GPM6A: variants seen among roughly 807,000 people sequenced by gnomAD.
GPM6A encodes the protein glycoprotein M6A, also known as neuronal membrane glycoprotein M6-a.
Under a neutral mutation model 32.1 loss-of-function variants are expected in GPM6A, and 7 were observed. The observed-to-expected ratio is 0.22, with a 90% confidence interval of 0.12 to 0.41. GPM6A has a LOEUF of 0.41. GPM6A is among the 10% of genes least tolerant of loss of function. The pLI, the probability that GPM6A is intolerant of heterozygous loss-of-function variation, is 1.00. For missense variants in GPM6A, 235 were observed against 347.2 expected (o/e 0.68, Z 2.57); for synonymous variants, 130 against 123.4 (o/e 1.05, Z -0.35).
At chr4:175,878,628 A>C (rs1477174290) in intron 1 of GPM6A, among the ~76,000 whole-genome samples, 2 of 151,958 alleles carry the variant, frequency 1.3e-5, no homozygotes, top group Admixed American at 6.6e-5. Flanking sequence ...CCTGGCTCAA[A>C]AGATCATTTT....
chr4:175,924,839 CAAAA>C lies in GPM6A; in HGVS notation c.-23+77466_-23+77469del, dbSNP rs1190915755. 6.9e-3 allele frequency among the ~76,000 whole-genome samples: 426 copies of C among 61,994 alleles called. 4 individuals carry two copies. Among genetic ancestry groups the C allele is most frequent in the African/African-American group, 0.018 (407 of 22,072 alleles). The allele number at this position is 61,994 out of a possible 152,430, so 40.7% of individuals were successfully genotyped here. A position where few individuals can be genotyped will look rare whatever the true frequency, so the allele number is the denominator to read the frequency against. ...TAGGCAACAGAGTGAAAATCTGTCTCAAAAAAAAAAAAAAAAAAAAGAGAGAAGT... is the reference window on the plus strand; with the variant it reads ...TAGGCAACAGAGTGAAAATCTGTCTCAAAAAAAAAAAAAAAAGAGAGAAGT... On this transcript the variant is annotated intron_variant, in intron 1 of 7. Transcript: ENST00000280187.
chr4:175,873,321 G>GAA (rs200174289), intron 1 of GPM6A, among the ~76,000 whole-genome samples: 2 of 147,564 alleles, frequency 1.4e-5, no homozygotes, highest in African/African-American at 5.0e-5. Context: ...AGTGCCTTGT[G>GAA]AAAAAAAAAC....
At chr4:175,708,136 T>C (rs1325442055) in intron 1 of GPM6A, among the ~76,000 whole-genome samples, 3 of 152,140 alleles carry the variant, frequency 2.0e-5, no homozygotes, top group African/African-American at 4.8e-5. Context: ...TCTGCTTTCA[T>C]TGTAGAGGTG....
chr4:175,655,177 G>T (rs1157582261), intron 3 of GPM6A, among the ~76,000 whole-genome samples: 3 of 151,966 alleles, frequency 2.0e-5, no homozygotes, highest in East Asian at 1.9e-4. Context: ...AAATCAGTGC[G>T]GTGAGAAAAT....
At chr4:175,995,554 C>T (rs1447021365) in intron 1 of GPM6A, among the ~76,000 whole-genome samples, 1 of 152,084 alleles carries the variant, frequency 6.6e-6, no homozygotes, top group African/African-American at 2.4e-5. Context: ...TTTCTCGTTG[C>T]ATGCCCCAGA....
intron 1 of GPM6A, among the ~76,000 whole-genome samples, chr4:175,918,593 C>A (rs9685517): frequency 0.97 from 148,323 of 152,250 alleles, 72,381 homozygotes; most frequent in East Asian, 1. Context: ...TTAGCAAGAC[C>A]ATAGAATGCT....
At chr4:175,834,532 C>T (rs1735706787) in intron 1 of GPM6A, among the ~76,000 whole-genome samples, 1 of 152,114 alleles carries the variant, frequency 6.6e-6, no homozygotes, top group Admixed American at 6.6e-5. Context: ...GTGCTGTAAA[C>T]TCACATTGCT....
At chr4:175,763,665 T>C (rs943302548) in intron 1 of GPM6A, among the ~76,000 whole-genome samples, 6 of 152,136 alleles carry the variant, frequency 3.9e-5, no homozygotes, top group South Asian at 2.1e-4. Context: ...GAATAGAACA[T>C]TGTACGTGTC....
At chr4:175,713,390 A>G (rs1745660815) in intron 1 of GPM6A, among the ~76,000 whole-genome samples, 2 of 151,980 alleles carry the variant, frequency 1.3e-5, no homozygotes, top group Non-Finnish European at 2.9e-5. Context: ...ACGGGGTTTC[A>G]TCATATTGGT....
At chr4:175,925,229 G>T (rs572998930) in intron 1 of GPM6A, among the ~76,000 whole-genome samples, 2 of 152,186 alleles carry the variant, frequency 1.3e-5, no homozygotes, top group South Asian at 2.1e-4. Flanking sequence ...CTGGAAATGG[G>T]TGTTTACACA....
intron 1 of GPM6A, among the ~76,000 whole-genome samples, chr4:175,951,404 T>C (rs563924636): frequency 6.6e-6 from 1 of 152,244 alleles, no homozygotes; most frequent in South Asian, 2.1e-4. Context: ...GATTAGGCCA[T>C]GAACAGACAG....
At chr4:175,758,135 C>A (rs1732602778) in intron 1 of GPM6A, among the ~76,000 whole-genome samples, 1 of 152,076 alleles carries the variant, frequency 6.6e-6, no homozygotes, top group South Asian at 2.1e-4. Flanking sequence ...TGAACCTCTC[C>A]AAATCTCTGT....
intron 2 of GPM6A, among the ~76,000 whole-genome samples, chr4:175,686,834 T>C (rs1315956010): frequency 1.3e-5 from 2 of 152,264 alleles, no homozygotes; most frequent in African/African-American, 2.4e-5. Flanking sequence ...ATTCTGACAT[T>C]GTCTAATGCA....
chr4:175,780,067 G>T (rs1265981862), intron 1 of GPM6A, among the ~76,000 whole-genome samples: 2 of 150,770 alleles, frequency 1.3e-5, no homozygotes, highest in Non-Finnish European at 3.0e-5. Flanking sequence ...TTTTGAAATG[G>T]AGTCTTGCTC....
chr4:175,715,353 G>T (rs1385225540), intron 1 of GPM6A, among the ~76,000 whole-genome samples: 1 of 152,194 alleles, frequency 6.6e-6, no homozygotes, highest in Non-Finnish European at 1.5e-5. Context: ...ACTCGGGATT[G>T]TTCACGCAGA....
chr4:175,964,687 C>A (rs1038135468), intron 1 of GPM6A, among the ~76,000 whole-genome samples: 1 of 152,124 alleles, frequency 6.6e-6, no homozygotes, highest in Admixed American at 6.5e-5. Context: ...TCCTTAAAGA[C>A]CCTCTCTCCA....
intron 1 of GPM6A, among the ~76,000 whole-genome samples, chr4:175,756,806 TAGA>T (rs1732545560): frequency 3.3e-5 from 5 of 152,046 alleles, no homozygotes; most frequent in Admixed American, 2.6e-4. Context: ...TGATAAGCAA[TAGA>T]AGGACAAGTA....
chr4:175,970,156 T>TTGC (rs1288490555), intron 1 of GPM6A, among the ~76,000 whole-genome samples: 4 of 152,218 alleles, frequency 2.6e-5, no homozygotes, highest in African/African-American at 7.2e-5. Context: ...GAAATAAAAC[T>TTGC]ATTTTGCCCT....
chr4:175,959,619 GA>G, intron 1 of GPM6A, among the ~76,000 whole-genome samples: 1 of 152,284 alleles, frequency 6.6e-6, no homozygotes, highest in Non-Finnish European at 1.5e-5. Flanking sequence ...TAAATTTTAA[GA>G]CTAGGCTTTG....
Sources: allele counts gnomAD v4.1 joint callset (sites outside exome capture counted in the v4.1 genomes callset), GRCh38; gene constraint gnomAD v4.1.1; transcripts MANE v1.5; gene names NCBI Gene and HGNC (gene_info 2026-07-23, HGNC 2026-07-21).